RFX4: variants seen among roughly 807,000 people sequenced by gnomAD.
RFX4 encodes regulatory factor X4.
A neutral mutation model predicts 95.0 loss-of-function variants in RFX4; 10 were observed. The observed-to-expected ratio is 0.11, with a 90% CI of 0.06 to 0.18. RFX4 has a LOEUF of 0.18. RFX4 is among the 10% of genes least tolerant of loss of function. The probability of loss-of-function intolerance (pLI) is 1.00; values close to 1 mark genes in which losing one functional copy is unlikely to be tolerated. For synonymous variants in RFX4, 321 were observed against 340.7 expected (o/e 0.94, Z 0.64); for missense variants, 640 against 922.0 (o/e 0.69, Z 3.96).
intron 13 of RFX4, among the ~76,000 whole-genome samples, chr12:106,730,288 A>G (rs1373808506): frequency 6.6e-6 from 1 of 152,230 alleles, no homozygotes; most frequent in African/African-American, 2.4e-5. Context: ...ACAAGCCCCC[A>G]ACTAGCCTCC....
At position 106,761,216 on chromosome 12, in the gene RFX4, C is replaced by T. The variant is rs201014945; in HGVS notation, c.1955C>T (p.Thr652Ile). ...AACAAGTACCCTTTTAATAGCCCCA[C>T]TTCCCGGATGGAACCTTGTTTGATG... ...SSAQYPFNSP[T>I]SRMEPCLMSS... The change falls in exon 18 of 18, where the codon ACT becomes ATT. Residue 652 changes from threonine to isoleucine, a missense_variant. This residue lies in a region of RFX4 where 300 missense variants were observed against 346.8 expected (regional missense o/e 0.87). Transcript: ENST00000392842. 4.3e-6 allele frequency: 7 copies of T among 1,612,874 alleles called. No individual in the cohort carries two copies. The highest frequency in any genetic ancestry group is 3.4e-6 in the Non-Finnish European group (4 of 1,179,074).
chr12:106,637,457 A>G (rs542802944), intron 2 of RFX4, among the ~76,000 whole-genome samples: 1 of 152,232 alleles, frequency 6.6e-6, no homozygotes, highest in South Asian at 2.1e-4. Flanking sequence ...TATTTAAACT[A>G]TTTTCATAGA....
At chr12:106,584,137 G>C (rs1264197427) in intron 1 of RFX4, among the ~76,000 whole-genome samples, 1 of 152,120 alleles carries the variant, frequency 6.6e-6, no homozygotes, top group Non-Finnish European at 1.5e-5. Flanking sequence ...GGGTGCGGCG[G>C]TCCTTAACAA....
At chr12:106,726,891 C>G (rs2042509665) in intron 13 of RFX4, among the ~76,000 whole-genome samples, 2 of 152,108 alleles carry the variant, frequency 1.3e-5, no homozygotes, top group Admixed American at 1.3e-4. Context: ...CATGCCTCAG[C>G]CTCCCAAGTA....
intron 13 of RFX4, among the ~76,000 whole-genome samples, chr12:106,723,030 G>A (rs773453310): frequency 5.9e-5 from 9 of 152,168 alleles, no homozygotes; most frequent in African/African-American, 9.7e-5. Context: ...GTGTGTCAGC[G>A]TAGCAGGCTG....
chr12:106,713,350 C>A (rs1201318476), intron 10 of RFX4, among the ~76,000 whole-genome samples: 2 of 152,142 alleles, frequency 1.3e-5, no homozygotes, highest in African/African-American at 4.8e-5. Context: ...CTACTGTGTG[C>A]CCAATACTGT....
intron 5 of RFX4, chr12:106,684,834 A>G: frequency 6.4e-7 from 1 of 1,568,996 alleles, no homozygotes; most frequent in Non-Finnish European, 8.7e-7. Flanking sequence ...CTGCCTTCGG[A>G]GGGTCTGAAT....
At chr12:106,749,482 T>C (rs10778506) in intron 16 of RFX4, among the ~76,000 whole-genome samples, 57,608 of 151,854 alleles carry the variant, frequency 0.38, 11,103 homozygotes, top group African/African-American at 0.44. Flanking sequence ...CAAGTGCCCC[T>C]GAGCAGTCAA....
At chr12:106,593,354 C>G (rs1176016819) in intron 1 of RFX4, among the ~76,000 whole-genome samples, 1 of 152,206 alleles carries the variant, frequency 6.6e-6, no homozygotes, top group African/African-American at 2.4e-5. Flanking sequence ...AGTGAGACTG[C>G]TGAATGTAGC....
In RFX4 at chr12:106,583,456, G is replaced by A. The variant is rs2039403162; in HGVS notation, c.43+93G>A. On this transcript the variant is annotated intron_variant, in intron 1 of 17. Coordinates refer to ENST00000392842, the MANE Select transcript of RFX4 (RefSeq NM_213594.3). ...GAAAGAAGTTGGGAAAAGTTCAGAC[G>A]GGTCAACTTGACAGTGGAACCCCAA... 7.5e-5 allele frequency: 95 copies of A among 1,259,340 alleles called. No individual in the cohort carries two copies. In the South Asian group the frequency reaches 1.4e-3, roughly 19 times the overall value. 78.0% of individuals were successfully genotyped at this position (1,259,340 alleles called of 1,614,324 possible). A position where few individuals can be genotyped will look rare whatever the true frequency, so the allele number is the denominator to read the frequency against.
chr12:106,677,744 C>T (rs962094303), intron 4 of RFX4, among the ~76,000 whole-genome samples: 1 of 152,100 alleles, frequency 6.6e-6, no homozygotes, highest in Non-Finnish European at 1.5e-5. Flanking sequence ...GGTGAGGCAA[C>T]AAGACTGGTG....
At chr12:106,617,076 C>T (rs1235260069) in intron 2 of RFX4, among the ~76,000 whole-genome samples, 2 of 151,996 alleles carry the variant, frequency 1.3e-5, no homozygotes, top group Non-Finnish European at 2.9e-5. Flanking sequence ...CCACTTTTGT[C>T]TGTTTTTGAC....
chr12:106,675,526 T>G (rs1038549132), intron 4 of RFX4, among the ~76,000 whole-genome samples: 9 of 152,148 alleles, frequency 5.9e-5, no homozygotes, highest in African/African-American at 2.2e-4. Flanking sequence ...TGGGAGGTAA[T>G]GAATATGTTA....
At chr12:106,643,182 G>A (rs967698312) in intron 3 of RFX4, among the ~76,000 whole-genome samples, 1 of 152,188 alleles carries the variant, frequency 6.6e-6, no homozygotes, top group African/African-American at 2.4e-5. Flanking sequence ...ATGTTTTGCT[G>A]AGGATCACTC....
chr12:106,709,161 G>A (rs1445772421), intron 8 of RFX4, among the ~76,000 whole-genome samples, 169 bp from the exon 9 acceptor site: 3 of 150,968 alleles, frequency 2.0e-5, no homozygotes, highest in South Asian at 2.1e-4. Flanking sequence ...CAGACCCACC[G>A]GCTCTCCACA....
intron 7 of RFX4, among the ~76,000 whole-genome samples, chr12:106,695,817 C>T (rs1429398261): frequency 1.3e-5 from 2 of 152,188 alleles, no homozygotes. Flanking sequence ...ACTCTCCTTT[C>T]AGCCACACTC....
chr12:106,692,416 TATG>T (rs2041802269), intron 7 of RFX4, among the ~76,000 whole-genome samples: 1 of 152,192 alleles, frequency 6.6e-6, no homozygotes, highest in South Asian at 2.1e-4. Flanking sequence ...TGTTCTAGAA[TATG>T]ATGTTAGGCA....
At chr12:106,654,796 T>C (rs2040923843) in intron 4 of RFX4, among the ~76,000 whole-genome samples, 1 of 152,246 alleles carries the variant, frequency 6.6e-6, no homozygotes, top group South Asian at 2.1e-4. Flanking sequence ...TCCAGACTGT[T>C]CTCTTTCCAC....
intron 4 of RFX4, among the ~76,000 whole-genome samples, chr12:106,677,681 T>C (rs551202108): frequency 2.0e-4 from 31 of 152,204 alleles, no homozygotes; most frequent in African/African-American, 7.2e-4. Context: ...TACTCCAGCC[T>C]GGTCAACAGA....
Sources: gnomAD v4.1 joint callset for allele counts (sites outside exome capture counted in the v4.1 genomes callset) on GRCh38, gnomAD v4.1.1 for gene constraint, gnomAD v4.1.1 regional missense constraint, MANE v1.5 for transcripts, NCBI Gene and HGNC (gene_info 2026-07-23, HGNC 2026-07-21) for gene names.